The following IRAK2 variants were observed in gnomAD, a reference collection of about 807,000 sequenced individuals.
IRAK2 encodes the protein interleukin 1 receptor associated kinase 2, also known as interleukin-1 receptor-associated kinase-like 2.
IRAK2 carries 57 observed loss-of-function variants against 72.0 expected under a neutral mutation model. The observed-to-expected ratio is 0.79, with a 90% confidence interval of 0.64 to 0.99. The LOEUF is 0.99. IRAK2 is among the 50% of genes least tolerant of loss of function. IRAK2 has a pLI of 0.00. For synonymous variants in IRAK2, 293 were observed against 312.7 expected, an observed-to-expected ratio of 0.94 and a Z score of 0.67; for missense variants, 790 against 794.4, an observed-to-expected ratio of 0.99 and a Z score of 0.07.
rs572880231 is a variant in IRAK2, at chr3:10,197,870, T to C, written c.278-2499T>C. The stretch of plus-strand genomic sequence containing the variant: ...CCGTCTCAAAAAAAAAAAAAAATTA[T>C]TTAAAATATCAGTGACAGTAAAGAA... On this transcript the variant is annotated intron_variant, in intron 2 of 12. Coordinates refer to ENST00000256458, the MANE Select transcript of IRAK2 (RefSeq NM_001570.4). 6.2e-4 allele frequency among the ~76,000 whole-genome samples: 83 copies of C among 133,022 alleles called. 1 individual carries two copies. Among genetic ancestry groups the C allele is most frequent in the Middle Eastern group, 0.01 (2 of 194 alleles). 87.3% of individuals were successfully genotyped at this position (133,022 alleles called of 152,430 possible). A position where few individuals can be genotyped will look rare whatever the true frequency, so the allele number is the denominator to read the frequency against.
intron 10 of IRAK2, among the ~76,000 whole-genome samples, chr3:10,228,018 TATC>T (rs1697807544): frequency 6.6e-6 from 1 of 151,954 alleles, no homozygotes; most frequent in Non-Finnish European, 1.5e-5. Context: ...AATTCAGTAT[TATC>T]ATTCCCATTT....
intron 3 of IRAK2, among the ~76,000 whole-genome samples, chr3:10,208,828 C>G (rs929495120): frequency 6.6e-5 from 10 of 152,050 alleles, no homozygotes; most frequent in Non-Finnish European, 1.5e-4. Flanking sequence ...AAGCTGATCT[C>G]AAACTCCTGG....
In IRAK2 at chr3:10,238,901, A is replaced by C. The variant is rs746645430; in HGVS notation, c.1627A>C (p.Met543Leu). Reference sequence around the variant, plus strand: ...TTCCAGCCTTGATGCCTCCTCCTCCATGAGTGTGGCACCCTGGGCAGGGGC... The same window carrying C: ...TTCCAGCCTTGATGCCTCCTCCTCCCTGAGTGTGGCACCCTGGGCAGGGGC... The part of the protein sequence containing the change: ...DNSSLDASSS[M>L]SVAPWAGAAT... The change falls in exon 12 of 13, where the codon ATG becomes CTG. Residue 543 changes from methionine (M) to leucine (L), a missense_variant. Coordinates refer to ENST00000256458, the MANE Select transcript of IRAK2 (RefSeq NM_001570.4). 1 of 1,613,944 alleles carries C rather than the reference A, an allele frequency of 6.2e-7. No individual in the cohort carries two copies. The highest frequency in any genetic ancestry group is 2.2e-5 in the East Asian group (1 of 44,878).
In IRAK2 at chr3:10,222,725, C is replaced by T. The variant is rs961001624; in HGVS notation, c.1103C>T (p.Thr368Ile). 2 of 1,614,176 alleles carry T rather than the reference C, an allele frequency of 1.2e-6. No homozygotes were observed. The highest frequency in any genetic ancestry group is 1.7e-6 in the Non-Finnish European group (2 of 1,179,990). ...CCTGTCAACAAAAGGTCAAAATACA[C>T]CATGATGAAGACTCACCTGCTCCGG... ...LCPVNKRSKY[T>I]MMKTHLLRTS... is the part of the protein sequence containing the mutation. Residue 368 changes from threonine (T) to isoleucine (I), a missense_variant, in exon 9 of 13, where the codon ACC (threonine) becomes ATC (isoleucine). By Grantham distance (89) the Thr-to-Ile change is moderately conservative (BLOSUM62 -1). Coordinates refer to ENST00000256458, the MANE Select transcript of IRAK2 (RefSeq NM_001570.4).
At chr3:10,173,320 T>A (rs1242649802) in intron 1 of IRAK2, among the ~76,000 whole-genome samples, 2 of 152,178 alleles carry the variant, frequency 1.3e-5, no homozygotes, top group Non-Finnish European at 2.9e-5. Flanking sequence ...GTAGAAAAAG[T>A]CTGGAAGATT....
At chr3:10,210,044 C>T (rs1046514718) in intron 4 of IRAK2, among the ~76,000 whole-genome samples, 2 of 152,094 alleles carry the variant, frequency 1.3e-5, no homozygotes, top group Non-Finnish European at 2.9e-5. Context: ...CTCAGCCTCC[C>T]AAGTAGCTGG....
chr3:10,202,779 C>T (rs1403948719), intron 3 of IRAK2, among the ~76,000 whole-genome samples: 2 of 143,130 alleles, frequency 1.4e-5, no homozygotes, highest in Non-Finnish European at 3.0e-5. Context: ...GCAGCCTCAA[C>T]TTCCCTGGCT....
rs922470538 is a variant in IRAK2, at chr3:10,200,300, A to G, written c.278-69A>G. On this transcript the variant is annotated intron_variant, in intron 2 of 12. Coordinates refer to ENST00000256458, the MANE Select transcript of IRAK2 (RefSeq NM_001570.4). ...ATTAGAACCCAGGTCTCTGACTTCC[A>G]GAACCAGTCTCTCAATGGCTACCCC... 4 of 1,379,306 alleles carry G rather than the reference A, an allele frequency of 2.9e-6. No individual in the cohort carries two copies. In the African/African-American group the frequency reaches 5.8e-5, roughly 20 times the overall value. 85.4% of individuals were successfully genotyped at this position (1,379,306 alleles called of 1,614,324 possible). A position where few individuals can be genotyped will look rare whatever the true frequency, so the allele number is the denominator to read the frequency against.
At chr3:10,174,683 C>T (rs752767465) in intron 1 of IRAK2, among the ~76,000 whole-genome samples, 2 of 152,016 alleles carry the variant, frequency 1.3e-5, no homozygotes, top group African/African-American at 2.4e-5. Flanking sequence ...CACCACCACG[C>T]TTGGCTAATT....
intron 2 of IRAK2, among the ~76,000 whole-genome samples, chr3:10,192,311 G>A (rs1310635924): frequency 4.6e-5 from 7 of 152,126 alleles, no homozygotes; most frequent in African/African-American, 1.7e-4. Context: ...TCCAGAGTGT[G>A]CTCACCCAGG....
intron 11 of IRAK2, among the ~76,000 whole-genome samples, chr3:10,235,033 C>G (rs1697933637): frequency 6.6e-6 from 1 of 152,220 alleles, no homozygotes; most frequent in South Asian, 2.1e-4. Flanking sequence ...AGTCCCACCA[C>G]AGAGGGAGAA....
intron 4 of IRAK2, among the ~76,000 whole-genome samples, chr3:10,212,929 T>C (rs1192613929): frequency 6.6e-6 from 1 of 152,004 alleles, no homozygotes; most frequent in African/African-American, 2.4e-5. Context: ...CACGCCTGGA[T>C]AATTTTTTTT....
At chr3:10,204,982 C>T (rs1697414749) in intron 3 of IRAK2, among the ~76,000 whole-genome samples, 1 of 152,060 alleles carries the variant, frequency 6.6e-6, no homozygotes. Context: ...GCCCCATCTC[C>T]CTCCCCTCCC....
At chr3:10,213,978 G>A (rs887325936) in intron 6 of IRAK2, among the ~76,000 whole-genome samples, 1 of 151,646 alleles carries the variant, frequency 6.6e-6, no homozygotes, top group Admixed American at 6.6e-5. Flanking sequence ...TCCCAGGCTG[G>A]AGTGCAGTGG....
At chr3:10,200,096 C>T (rs1264213419) in intron 2 of IRAK2, among the ~76,000 whole-genome samples, 1 of 152,058 alleles carries the variant, frequency 6.6e-6, no homozygotes, top group Non-Finnish European at 1.5e-5. Flanking sequence ...CCATGTTGGC[C>T]AGGCTGGTCT....
At position 10,224,964 on chromosome 3, in the gene IRAK2, C is replaced by T. The variant is rs551149851; in HGVS notation, c.1210-1407C>T. 1.4e-3 allele frequency among the ~76,000 whole-genome samples: 218 copies of T among 151,314 alleles called. No individual in the cohort carries two copies. The Middle Eastern group carries it at 0.038, about 26-fold the overall frequency. On this transcript the variant is annotated intron_variant, in intron 9 of 12. Transcript: ENST00000256458. Reference sequence around the variant, plus strand: ...CCTCTATAAAGGACTTGGCTCAGAGCCTGCTCTGTGAAAGGGGCACAGGAA... The same window carrying T: ...CCTCTATAAAGGACTTGGCTCAGAGTCTGCTCTGTGAAAGGGGCACAGGAA...
intron 1 of IRAK2, among the ~76,000 whole-genome samples, chr3:10,166,367 G>A (rs1040446753): frequency 3.9e-5 from 6 of 152,188 alleles, no homozygotes; most frequent in African/African-American, 1.4e-4. Context: ...TTGTTTGTTG[G>A]TGCCTGACGG....
chr3:10,205,812 A>G (rs1330405271), intron 3 of IRAK2, among the ~76,000 whole-genome samples: 1 of 152,252 alleles, frequency 6.6e-6, no homozygotes, highest in Non-Finnish European at 1.5e-5. Flanking sequence ...CCGTCAGGTG[A>G]CTCATAGTGA....
At position 10,184,982 on chromosome 3, in the gene IRAK2, T is replaced by C. The variant is rs555786043; in HGVS notation, c.277+6962T>C. On this transcript the variant is annotated intron_variant, in intron 2 of 12. Coordinates refer to ENST00000256458, the MANE Select transcript of IRAK2 (RefSeq NM_001570.4). ...TCCTGACCTCGTGATCCGCCCGCCTTGGCCTCCCAAAGTGCTGGGATTACA... is the reference window on the plus strand; with the variant it reads ...TCCTGACCTCGTGATCCGCCCGCCTCGGCCTCCCAAAGTGCTGGGATTACA... 3.8e-3 allele frequency among the ~76,000 whole-genome samples: 578 copies of C among 150,698 alleles called. 21 individuals carry two copies. The highest frequency in any genetic ancestry group is 0.013 in the African/African-American group (518 of 40,648).
Sources: gnomAD v4.1 joint callset for allele counts (sites outside exome capture counted in the v4.1 genomes callset) on GRCh38, gnomAD v4.1.1 for gene constraint, MANE v1.5 for transcripts, NCBI Gene and HGNC (gene_info 2026-07-23, HGNC 2026-07-21) for gene names.